Variants in PGM2 observed in about 807,000 individuals in gnomAD.
PGM2 encodes phosphopentomutase.
PGM2 carries 57 observed loss-of-function variants against 74.6 expected under a neutral mutation model. That is an observed-to-expected ratio of 0.76 (90% confidence interval 0.62 to 0.95). The LOEUF (loss-of-function observed/expected upper bound fraction) is 0.95. Among genes scored for constraint, PGM2 ranks in the 40% least tolerant of loss-of-function variants. The probability of loss-of-function intolerance (pLI) is 0.00; values close to 1 mark genes in which losing one functional copy is unlikely to be tolerated. For missense variants in PGM2, 706 were observed against 741.9 expected (o/e 0.95, Z 0.56); for synonymous variants, 273 against 260.7 (o/e 1.05, Z -0.46).
At chr4:37,846,538 G>A (rs1725876697) in intron 8 of PGM2, among the ~76,000 whole-genome samples, 1 of 152,198 alleles carries the variant, frequency 6.6e-6, no homozygotes, top group Admixed American at 6.5e-5. Flanking sequence ...CTCAGAATCA[G>A]CAATACTGAC....
At chr4:37,850,405 C>T in intron 12 of PGM2, 32 bp downstream of exon 12, 1 of 1,203,672 alleles carries the variant, frequency 8.3e-7, no homozygotes, top group Non-Finnish European at 1.1e-6. Flanking sequence ...CAACTAACCT[C>T]TTTTCTATTT....
At chr4:37,848,471 G>A in intron 10 of PGM2, 51 bp from the exon 11 acceptor site, 3 of 1,518,218 alleles carry the variant, frequency 2.0e-6, no homozygotes, top group Non-Finnish European at 2.7e-6. Context: ...ATACTCATAT[G>A]TGGTTTGACA....
At chr4:37,832,572 C>T (rs1725466597) in intron 2 of PGM2, among the ~76,000 whole-genome samples, 1 of 152,092 alleles carries the variant, frequency 6.6e-6, no homozygotes, top group Non-Finnish European at 1.5e-5. Context: ...TATTGTTTGC[C>T]TCATTGATAG....
chr4:37,843,183 A>T (rs1392669928), intron 6 of PGM2, among the ~76,000 whole-genome samples: 1 of 152,136 alleles, frequency 6.6e-6, no homozygotes, highest in Non-Finnish European at 1.5e-5. Flanking sequence ...TTCAAATTAG[A>T]TCAACTTCTG....
intron 13 of PGM2, among the ~76,000 whole-genome samples, chr4:37,858,852 T>C (rs1560422705): frequency 6.6e-6 from 1 of 152,170 alleles, no homozygotes; most frequent in Non-Finnish European, 1.5e-5. Flanking sequence ...AACTTTTTTA[T>C]TTTGAACAGT....
chr4:37,849,962 A>AT (rs1725992565), intron 11 of PGM2, among the ~76,000 whole-genome samples: 1 of 150,842 alleles, frequency 6.6e-6, no homozygotes, highest in Admixed American at 6.6e-5. Flanking sequence ...TAATTTTTGT[A>AT]TTTTTAGTAA....
chr4:37,838,124 A>C (rs2152176065), intron 4 of PGM2, among the ~76,000 whole-genome samples: 1 of 152,200 alleles, frequency 6.6e-6, no homozygotes, highest in South Asian at 2.1e-4. Context: ...CAGGTGATCC[A>C]CCCAGCTTGG....
chr4:37,841,100 A>ATATATGTGTGTG (rs1202149456), intron 6 of PGM2, among the ~76,000 whole-genome samples: 27 of 115,748 alleles, frequency 2.3e-4, no homozygotes, highest in African/African-American at 8.9e-4. Flanking sequence ...ATATATATAT[A>ATATATGTGTGTG]TGTGTGTGTG....
At position 37,861,522 on chromosome 4, in the gene PGM2, G is replaced by C. The variant is rs1401548566; in HGVS notation, c.1749G>C (p.Gln583His). The C allele has an allele frequency of 1.2e-6, 2 of 1,610,650 alleles. No homozygotes were observed. The highest frequency in any genetic ancestry group is 2.7e-5 in the African/African-American group (2 of 74,836). The change falls in exon 14 of 14, where the codon CAG (glutamine) becomes CAC (histidine). Residue 583 changes from glutamine (Q) to histidine (H), a missense_variant. Physicochemically the swap from Gln to His is conservative, Grantham distance 24. Transcript: ENST00000381967. The stretch of plus-strand genomic sequence containing the variant: ...CCTTATTTTCCAGTGATCCTGAGCA[G>C]CTGAAGAAGGAACTGAATGAACTGG... ...CAPPGNSDPE[Q>H]LKKELNELVS... is the part of the protein sequence containing the mutation.
At chr4:37,836,644 A>T (rs898004506) in intron 3 of PGM2, among the ~76,000 whole-genome samples, 5 of 152,150 alleles carry the variant, frequency 3.3e-5, no homozygotes, top group African/African-American at 1.2e-4. Flanking sequence ...AGTAAGAATG[A>T]TCTGATTGTT....
rs1725944746 is a variant in PGM2, at chr4:37,848,625, T to C, written c.1386T>C (p.Ser462=). The C allele has an allele frequency of 6.2e-7, 1 of 1,613,868 alleles. No homozygotes were observed. The highest frequency in any genetic ancestry group is 8.5e-7 in the Non-Finnish European group (1 of 1,179,714). ...TAGCAACCAAGAATTTGTCTTTGTC[T>C]CAGCAACTAAAGGCCATTTATGTGG... ...SFLATKNLSL[S]QQLKAIYVEY... The change falls in exon 11 of 14, where the codon TCT becomes TCC. Residue 462 remains serine, a synonymous_variant. Transcript: ENST00000381967.
In PGM2 at chr4:37,847,277, G is replaced by A; in HGVS notation, c.1264G>A (p.Ala422Thr). ...AGACCAGGGGAAAACTGTTTTATTTGCATTTGAAGAAGCTATTGGTAAGAA... is the reference window on the plus strand; with the variant it reads ...AGACCAGGGGAAAACTGTTTTATTTACATTTGAAGAAGCTATTGGTAAGAA... The part of the protein sequence containing the change: ...LIDQGKTVLF[A>T]FEEAIGYMCC... Residue 422 changes from alanine to threonine, a missense_variant, in exon 10 of 14, where the codon GCA (alanine) becomes ACA (threonine). By Grantham distance (58) the Ala-to-Thr change is moderately conservative (BLOSUM62 0). Transcript: ENST00000381967. 6.2e-7 allele frequency: 1 copy of A among 1,612,310 alleles called. No homozygotes were observed. The highest frequency in any genetic ancestry group is 1.1e-5 in the South Asian group (1 of 91,030).
At chr4:37,851,997 G>A (rs1371696170) in intron 12 of PGM2, among the ~76,000 whole-genome samples, 29 of 115,666 alleles carry the variant, frequency 2.5e-4, no homozygotes, top group Non-Finnish European at 9.6e-5. Context: ...GGGTCTTGCT[G>A]TGTGACTTAG....
At position 37,849,088 on chromosome 4, in the gene PGM2, A is replaced by T. The variant is rs1046954084; in HGVS notation, c.1412+437A>T. The stretch of plus-strand genomic sequence containing the variant: ...TCTGTCTCAAAAAAAAAAAAAAAAA[A>T]TTTAAAAAAACTAAAGAGATCACCT... On this transcript the variant is annotated intron_variant, in intron 11 of 13. Coordinates refer to ENST00000381967, the MANE Select transcript of PGM2 (RefSeq NM_018290.4). Among the ~76,000 whole-genome samples, 658 of 149,962 alleles carry T rather than the reference A, an allele frequency of 4.4e-3. 7 individuals carry two copies. The highest frequency in any genetic ancestry group is 0.015 in the African/African-American group (624 of 40,272).
intron 13 of PGM2, among the ~76,000 whole-genome samples, chr4:37,858,746 C>T (rs1304225332): frequency 6.6e-6 from 1 of 152,128 alleles, no homozygotes; most frequent in Admixed American, 6.6e-5. Flanking sequence ...CATAGAATTT[C>T]ATGGCCTTCT....
chr4:37,842,518 C>T (rs1158641556), intron 6 of PGM2, among the ~76,000 whole-genome samples: 1 of 149,042 alleles, frequency 6.7e-6, no homozygotes, highest in African/African-American at 2.5e-5. Context: ...AAAAGGTTTG[C>T]AGTTGTACCA....
In PGM2 at chr4:37,844,481, T is replaced by C. The variant is rs1244433169; in HGVS notation, c.837T>C (p.Pro279=). ...ACCTTGTTCCTCCTGAGGCTGTTCCTGAACAGAAAGATCCGGATCCTGAGT... is the reference window on the plus strand; with the variant it reads ...ACCTTGTTCCTCCTGAGGCTGTTCCCGAACAGAAAGATCCGGATCCTGAGT... The part of the protein sequence containing the change: ...AFDLVPPEAV[P]EQKDPDPEFP... Residue 279 remains proline (P), a synonymous_variant, in exon 7 of 14, where the codon CCT becomes CCC. Coordinates refer to ENST00000381967, the MANE Select transcript of PGM2 (RefSeq NM_018290.4). The C allele has an allele frequency of 1.2e-6, 2 of 1,613,652 alleles. No homozygotes were observed. The highest frequency in any genetic ancestry group is 2.7e-5 in the African/African-American group (2 of 74,922).
chr4:37,835,997 G>A (rs1009552837), intron 3 of PGM2, among the ~76,000 whole-genome samples: 1 of 152,236 alleles, frequency 6.6e-6, no homozygotes, highest in African/African-American at 2.4e-5. Context: ...AATCGTGACC[G>A]TGTTCCTCTG....
chr4:37,856,115 G>T (rs1726188026), intron 13 of PGM2, among the ~76,000 whole-genome samples: 2 of 152,252 alleles, frequency 1.3e-5, no homozygotes, highest in South Asian at 4.1e-4. Context: ...GCCGGGTGCG[G>T]TGGCTTACAC....
Sources: gnomAD v4.1 joint callset for allele counts (sites outside exome capture counted in the v4.1 genomes callset) on GRCh38, gnomAD v4.1.1 for gene constraint, MANE v1.5 for transcripts, NCBI Gene and HGNC (gene_info 2026-07-23, HGNC 2026-07-21) for gene names.